EXOC4: variants seen among roughly 807,000 people sequenced by gnomAD.
EXOC4 encodes the protein SEC8-like 1.
In EXOC4, 71 loss-of-function variants were observed where a neutral mutation model predicts 107.2. The observed-to-expected ratio is 0.66, with a 90% confidence interval of 0.55 to 0.81. EXOC4 has a LOEUF of 0.81. Ranked by LOEUF, EXOC4 falls within the 30% of genes least tolerant of loss-of-function variation. EXOC4 has a pLI of 0.00. For synonymous variants in EXOC4, 456 were observed against 441.2 expected (o/e 1.03, Z -0.42); for missense variants, 1,108 against 1,189.6 (o/e 0.93, Z 1.01).
chr7:133,972,954 C>G (rs1425474345), intron 14 of EXOC4, among the ~76,000 whole-genome samples: 1 of 152,208 alleles, frequency 6.6e-6, no homozygotes, highest in Non-Finnish European at 1.5e-5. Flanking sequence ...ACAACTGTTA[C>G]ACACATAGAC....
intron 10 of EXOC4, among the ~76,000 whole-genome samples, chr7:133,683,359 TA>T (rs953599617): frequency 3.8e-4 from 58 of 152,278 alleles, no homozygotes; most frequent in African/African-American, 1.2e-3. Flanking sequence ...TCTGACTTGT[TA>T]ATTTAACTCA....
At chr7:133,434,172 C>T (rs767871263) in intron 7 of EXOC4, among the ~76,000 whole-genome samples, 13 of 152,130 alleles carry the variant, frequency 8.5e-5, no homozygotes, top group Admixed American at 3.9e-4. Flanking sequence ...GCAAACAAAA[C>T]TGATTAGAGA....
intron 6 of EXOC4, among the ~76,000 whole-genome samples, chr7:133,361,665 CT>C (rs1374833925): frequency 6.6e-6 from 1 of 152,134 alleles, no homozygotes; most frequent in Non-Finnish European, 1.5e-5. Context: ...TTATCAAATA[CT>C]TTTATCCTTG....
chr7:133,373,130 G>C (rs1296732741), intron 6 of EXOC4, among the ~76,000 whole-genome samples: 2 of 152,160 alleles, frequency 1.3e-5, no homozygotes, highest in East Asian at 3.9e-4. Flanking sequence ...TTACTGATCT[G>C]TATGATGCCA....
At chr7:133,312,154 A>G (rs1473522869) in intron 4 of EXOC4, among the ~76,000 whole-genome samples, 1 of 152,174 alleles carries the variant, frequency 6.6e-6, no homozygotes, top group Non-Finnish European at 1.5e-5. Flanking sequence ...ATTCAGCTTA[A>G]ATGTTCATCA....
At chr7:134,018,655 A>G (rs1401604516) in intron 17 of EXOC4, among the ~76,000 whole-genome samples, 1 of 151,798 alleles carries the variant, frequency 6.6e-6, no homozygotes. Context: ...TAAAATTAAT[A>G]CCTCATTATG....
chr7:133,667,103 C>A (rs796851012), intron 10 of EXOC4, among the ~76,000 whole-genome samples: 4 of 152,116 alleles, frequency 2.6e-5, no homozygotes, highest in East Asian at 3.9e-4. Context: ...TAAGGGAAAT[C>A]TTTATTGATG....
intron 10 of EXOC4, among the ~76,000 whole-genome samples, chr7:133,728,342 T>C (rs1251618005): frequency 6.6e-6 from 1 of 152,212 alleles, no homozygotes; most frequent in Non-Finnish European, 1.5e-5. Context: ...TGTGACACTA[T>C]GTACTGGGGA....
At chr7:133,739,318 A>G (rs918887589) in intron 10 of EXOC4, among the ~76,000 whole-genome samples, 2 of 151,836 alleles carry the variant, frequency 1.3e-5, no homozygotes, top group African/African-American at 4.8e-5. Context: ...GGATCTGGCT[A>G]AACAGTCTCT....
At chr7:134,002,885 G>A (rs1585313872) in intron 15 of EXOC4, among the ~76,000 whole-genome samples, 1 of 117,160 alleles carries the variant, frequency 8.5e-6, no homozygotes, top group South Asian at 3.4e-4. Context: ...AAGCAAAATG[G>A]TACAGCTCCT....
intron 17 of EXOC4, among the ~76,000 whole-genome samples, chr7:134,020,971 G>A (rs999171258): frequency 1.3e-5 from 2 of 148,404 alleles, no homozygotes; most frequent in African/African-American, 5.0e-5. Context: ...GGGCGACAGA[G>A]CAAGACTGTC....
chr7:133,284,618 G>A (rs1203437252), intron 2 of EXOC4, among the ~76,000 whole-genome samples: 3 of 152,076 alleles, frequency 2.0e-5, no homozygotes, highest in Non-Finnish European at 2.9e-5. Flanking sequence ...TGCAAGCTCC[G>A]CCTCCTGGAT....
intron 6 of EXOC4, among the ~76,000 whole-genome samples, chr7:133,368,273 C>T (rs1294993078): frequency 4.6e-5 from 7 of 152,194 alleles, no homozygotes; most frequent in African/African-American, 1.7e-4. Flanking sequence ...GGTTCTTACT[C>T]TGTGGATTAG....
At chr7:133,669,733 A>G (rs1169636159) in intron 10 of EXOC4, among the ~76,000 whole-genome samples, 1 of 152,214 alleles carries the variant, frequency 6.6e-6, no homozygotes, top group Admixed American at 6.5e-5. Flanking sequence ...GAGGGAAGCT[A>G]GATGGGCTGA....
intron 10 of EXOC4, among the ~76,000 whole-genome samples, chr7:133,793,283 C>T (rs1017213522): frequency 1.3e-5 from 2 of 151,918 alleles, no homozygotes; most frequent in Non-Finnish European, 2.9e-5. Flanking sequence ...TATATTAATA[C>T]GAGATTAGGG....
At chr7:134,027,773 G>C (rs970531184) in intron 17 of EXOC4, among the ~76,000 whole-genome samples, 3 of 152,112 alleles carry the variant, frequency 2.0e-5, no homozygotes, top group Middle Eastern at 3.2e-3. Flanking sequence ...TAGAGTCCTG[G>C]TTGGCTCAGA....
the EXOC4 span, among the ~76,000 whole-genome samples, chr7:134,074,558 T>G: frequency 3.3e-5 from 5 of 152,212 alleles, no homozygotes; most frequent in African/African-American, 1.2e-4. Context: ...ATCTCATTTT[T>G]CAAAGGAGCC....
At chr7:133,381,712 A>G (rs973627765) in intron 7 of EXOC4, among the ~76,000 whole-genome samples, 1 of 152,142 alleles carries the variant, frequency 6.6e-6, no homozygotes, top group African/African-American at 2.4e-5. Context: ...CTGGTTACAC[A>G]TTTGACTTAT....
At chr7:133,597,468 C>T (rs889384801) in intron 9 of EXOC4, among the ~76,000 whole-genome samples, 3 of 147,738 alleles carry the variant, frequency 2.0e-5, no homozygotes, top group South Asian at 2.2e-4. Flanking sequence ...GCAGGAGAAT[C>T]GCTTGAACCC....
Sources: allele counts gnomAD v4.1 joint callset (sites outside exome capture counted in the v4.1 genomes callset), GRCh38; gene constraint gnomAD v4.1.1; transcripts MANE v1.5; gene names NCBI Gene and HGNC (gene_info 2026-07-23, HGNC 2026-07-21).